The following SAMD4A variants were observed in gnomAD, a reference collection of about 807,000 sequenced individuals.
The protein encoded by SAMD4A is sterile alpha motif domain containing 4A.
A neutral mutation model predicts 81.3 loss-of-function variants in SAMD4A; 33 were observed. That is an observed-to-expected ratio of 0.41 (90% CI 0.31 to 0.54). The LOEUF is 0.54. Among genes scored for constraint, SAMD4A ranks in the 20% least tolerant of loss-of-function variants. The pLI, the probability that SAMD4A is intolerant of heterozygous loss-of-function variation, is 0.37. For missense variants in SAMD4A, 854 were observed against 951.1 expected (o/e 0.90, Z 1.34); for synonymous variants, 389 against 382.1 (o/e 1.02, Z -0.21).
At position 54,627,268 on chromosome 14, in the gene SAMD4A, T is replaced by C. The variant is rs1026624583; in HGVS notation, c.196+59156T>C. ...TCAGATTGAGGGGTGCTTCTGACTT[T>C]TTTTTTAAAGAAATTTTGTCATACA... On this transcript the variant is annotated intron_variant, in intron 2 of 12. Coordinates refer to ENST00000554335, the MANE Select transcript of SAMD4A (RefSeq NM_015589.6). Among the ~76,000 whole-genome samples, 6 of 152,156 alleles carry C rather than the reference T, an allele frequency of 3.9e-5. No individual in the cohort carries two copies. In the East Asian group the frequency reaches 1.2e-3, roughly 29 times the overall value.
At chr14:54,641,812 T>G (rs544381389) in intron 2 of SAMD4A, among the ~76,000 whole-genome samples, 6 of 152,262 alleles carry the variant, frequency 3.9e-5, no homozygotes, top group Admixed American at 1.3e-4. Context: ...TGTTGTTGTT[T>G]TTTGAGATAG....
intron 2 of SAMD4A, among the ~76,000 whole-genome samples, chr14:54,604,975 T>C (rs763989577): frequency 8.5e-5 from 13 of 152,208 alleles, no homozygotes; most frequent in Non-Finnish European, 1.5e-4. Context: ...GAATACCAAG[T>C]GAGAGTGGCT....
chr14:54,694,795 C>G, intron 2 of SAMD4A: 1 of 985,398 alleles, frequency 1.0e-6, no homozygotes, highest in Non-Finnish European at 1.2e-6. Flanking sequence ...AGGACTACTT[C>G]CCAGCTGGCC....
chr14:54,766,577 C>T (rs559956303), intron 8 of SAMD4A, among the ~76,000 whole-genome samples: 37 of 152,104 alleles, frequency 2.4e-4, no homozygotes, highest in Non-Finnish European at 4.4e-4. Flanking sequence ...GGTACAGACT[C>T]GGTTCGTAAG....
At chr14:54,644,052 A>G (rs1268512798) in intron 2 of SAMD4A, among the ~76,000 whole-genome samples, 1 of 152,212 alleles carries the variant, frequency 6.6e-6, no homozygotes, top group East Asian at 1.9e-4. Flanking sequence ...TGGAAGTTTC[A>G]GGGCAAACCA....
chr14:54,712,140 C>T (rs899821532), intron 3 of SAMD4A, among the ~76,000 whole-genome samples: 2 of 152,140 alleles, frequency 1.3e-5, no homozygotes, highest in African/African-American at 4.8e-5. Flanking sequence ...AGGGTGAAGC[C>T]TGGGGACCCT....
At chr14:54,607,748 C>T (rs1374963971) in intron 2 of SAMD4A, among the ~76,000 whole-genome samples, 3 of 152,108 alleles carry the variant, frequency 2.0e-5, no homozygotes, top group African/African-American at 4.8e-5. Context: ...GCCACCGCGC[C>T]CGGCCTCAAG....
chr14:54,776,392 C>T, intron 10 of SAMD4A, 22 bp from the exon 11 acceptor site: 3 of 1,584,426 alleles, frequency 1.9e-6, no homozygotes, highest in Non-Finnish European at 2.6e-6. Context: ...CTAACAAGTT[C>T]CCCTTTTGCT....
intron 2 of SAMD4A, among the ~76,000 whole-genome samples, chr14:54,662,066 A>G (rs1459904384): frequency 6.6e-6 from 1 of 152,206 alleles, no homozygotes; most frequent in Non-Finnish European, 1.5e-5. Flanking sequence ...TGACTCTCAG[A>G]CACAGGGACA....
chr14:54,636,739 T>C (rs2035043658), intron 2 of SAMD4A, among the ~76,000 whole-genome samples: 1 of 152,120 alleles, frequency 6.6e-6, no homozygotes. Flanking sequence ...GAGTCAGGAA[T>C]TATCCTAAGC....
chr14:54,608,103 C>T (rs1260882365), intron 2 of SAMD4A, among the ~76,000 whole-genome samples: 2 of 151,796 alleles, frequency 1.3e-5, no homozygotes, highest in Non-Finnish European at 1.5e-5. Flanking sequence ...AGGACAGAAG[C>T]GAAGAGAGCA....
chr14:54,737,542 C>G (rs200688122), intron 4 of SAMD4A, among the ~76,000 whole-genome samples: 1 of 85,448 alleles, frequency 1.2e-5, no homozygotes, highest in Non-Finnish European at 2.3e-5. Flanking sequence ...CTCTCTCTCT[C>G]TTTTTTTTTT....
chr14:54,775,578 G>C (rs2038822085), intron 10 of SAMD4A, among the ~76,000 whole-genome samples: 1 of 152,096 alleles, frequency 6.6e-6, no homozygotes, highest in African/African-American at 2.4e-5. Flanking sequence ...CAGGGGGAGA[G>C]TTAACACATT....
intron 2 of SAMD4A, among the ~76,000 whole-genome samples, chr14:54,679,137 T>G (rs989588758): frequency 6.6e-6 from 1 of 152,244 alleles, no homozygotes; most frequent in East Asian, 1.9e-4. Context: ...TGGGTTTTTT[T>G]CTATCATTTT....
intron 3 of SAMD4A, among the ~76,000 whole-genome samples, chr14:54,724,045 G>GAAGA (rs999442974): frequency 1.3e-5 from 2 of 150,932 alleles, no homozygotes; most frequent in African/African-American, 4.9e-5. Flanking sequence ...AGGAAGGAAG[G>GAAGA]AAGGAATAAT....
At chr14:54,772,315 C>T (rs949226433) in intron 9 of SAMD4A, among the ~76,000 whole-genome samples, 6 of 152,206 alleles carry the variant, frequency 3.9e-5, no homozygotes, top group African/African-American at 9.7e-5. Context: ...TTTGTTCTCT[C>T]CCCAGAAAGC....
intron 3 of SAMD4A, among the ~76,000 whole-genome samples, chr14:54,734,397 A>G (rs1027179671): frequency 3.9e-5 from 6 of 152,218 alleles, no homozygotes; most frequent in Non-Finnish European, 8.8e-5. Context: ...GTGGGAACCA[A>G]GAAGTGTTCA....
At chr14:54,696,893 T>C (rs1282043975) in intron 2 of SAMD4A, 1 of 152,214 alleles carries the variant, frequency 6.6e-6, no homozygotes, top group Non-Finnish European at 1.5e-5. Flanking sequence ...TGAGCTGACA[T>C]CATCAAACCT....
chr14:54,757,417 GTGTGTGTGTGTTT>G (rs2038272740), intron 6 of SAMD4A, among the ~76,000 whole-genome samples: 1 of 145,822 alleles, frequency 6.9e-6, no homozygotes, highest in South Asian at 2.3e-4. Context: ...GTGTGTGTGT[GTGTGTGTGTGTTT>G]TGTTTTGTTT....
Sources: gnomAD v4.1 joint callset for allele counts (sites outside exome capture counted in the v4.1 genomes callset) on GRCh38, gnomAD v4.1.1 for gene constraint, MANE v1.5 for transcripts, NCBI Gene and HGNC (gene_info 2026-07-23, HGNC 2026-07-21) for gene names.